The following POLR3G variants were observed in gnomAD, a reference collection of about 807,000 sequenced individuals.
POLR3G encodes the protein RNA polymerase III subunit G.
POLR3G carries 28 observed loss-of-function variants against 30.1 expected under a neutral mutation model. That is an observed-to-expected ratio of 0.93 (90% CI 0.69 to 1.27). The LOEUF is 1.27. Ranked by LOEUF, POLR3G falls within the 50% of genes most tolerant of loss-of-function variation. The probability of loss-of-function intolerance (pLI) is 0.00; values close to 1 mark genes in which losing one functional copy is unlikely to be tolerated. For missense variants in POLR3G, 254 were observed against 264.6 expected (o/e 0.96, Z 0.28); for synonymous variants, 79 against 82.5 (o/e 0.96, Z 0.23).
chr5:90,476,504 T>A (rs1750827012), intron 1 of POLR3G, among the ~76,000 whole-genome samples: 1 of 152,216 alleles, frequency 6.6e-6, no homozygotes, highest in African/African-American at 2.4e-5. Context: ...AAAGACTACT[T>A]TTAGGGCATT....
At chr5:90,488,512 C>T (rs1381915060) in intron 3 of POLR3G, among the ~76,000 whole-genome samples, 1 of 151,864 alleles carries the variant, frequency 6.6e-6, no homozygotes, top group Non-Finnish European at 1.5e-5. Context: ...TTCCTTTTTT[C>T]ACTCAGTAGC....
rs1252192949 is a variant in POLR3G, at chr5:90,481,118, T to C, written c.-43-4407T>C. ...GAAAGATAAAATTTGTATACCACCATTTTGCAATTCATAATGGAAAAATTG... is the reference window on the plus strand; with the variant it reads ...GAAAGATAAAATTTGTATACCACCACTTTGCAATTCATAATGGAAAAATTG... On this transcript the variant is annotated intron_variant, in intron 1 of 7. Coordinates refer to ENST00000651687, the MANE Select transcript of POLR3G (RefSeq NM_006467.3). Among the ~76,000 whole-genome samples the C allele has an allele frequency of 2.0e-5, 3 of 152,140 alleles. No individual in the cohort carries two copies. In the East Asian group the frequency reaches 5.8e-4, roughly 29 times the overall value.
intron 1 of POLR3G, among the ~76,000 whole-genome samples, chr5:90,481,156 A>G (rs1751104711): frequency 6.6e-6 from 1 of 151,998 alleles, no homozygotes; most frequent in Middle Eastern, 3.2e-3. Flanking sequence ...CTAGATTGTG[A>G]TCATCAGTGA....
At chr5:90,506,723 TAAGG>T in intron 7 of POLR3G, 49 bp downstream of exon 7, 1 of 1,550,644 alleles carries the variant, frequency 6.4e-7, no homozygotes, top group Admixed American at 2.0e-5. Flanking sequence ...GTTTATCTAA[TAAGG>T]AATCAGATAT....
intron 1 of POLR3G, among the ~76,000 whole-genome samples, chr5:90,478,586 T>TTTTTTTTTTTTTTTTTGGGG (rs70999487): frequency 6.8e-6 from 1 of 146,924 alleles, no homozygotes; most frequent in African/African-American, 2.5e-5. Flanking sequence ...TTTTTTTTTT[T>TTTTTTTTTTTTTTTTTGGGG]GAGAGGGAGC....
intron 2 of POLR3G, among the ~76,000 whole-genome samples, chr5:90,486,153 T>C (rs909168926): frequency 6.6e-6 from 1 of 152,216 alleles, no homozygotes; most frequent in Non-Finnish European, 1.5e-5. Context: ...TTTTAAAATT[T>C]AGTGAGTATG....
At chr5:90,474,423 G>A (rs577411910), upstream of POLR3G, 5 of 818,478 alleles carry the variant, frequency 6.1e-6, no homozygotes, top group East Asian at 2.7e-5. Flanking sequence ...GAGCGAGGCG[G>A]GGGCGTGGGA....
At chr5:90,483,143 CAAAAAAAAA>C (rs35917267) in intron 1 of POLR3G, among the ~76,000 whole-genome samples, 1 of 101,638 alleles carries the variant, frequency 9.8e-6, no homozygotes, top group Non-Finnish European at 1.9e-5. Context: ...TCCTCCGTCT[CAAAAAAAAA>C]AAAAAAAAAA....
rs1301461953 is a variant in POLR3G at position 90,506,406 on chromosome 5, C to A, written c.439-122C>A. 10 of 1,341,670 alleles carry A rather than the reference C, an allele frequency of 7.5e-6. No homozygotes were observed. The Admixed American group carries it at 2.3e-4, about 30-fold the overall frequency. 83.1% of individuals were successfully genotyped at this position (1,341,670 alleles called of 1,614,324 possible). A position where few individuals can be genotyped will look rare whatever the true frequency, so the allele number is the denominator to read the frequency against. On this transcript the variant is annotated intron_variant, in intron 6 of 7. Coordinates refer to ENST00000651687, the MANE Select transcript of POLR3G (RefSeq NM_006467.3). The stretch of plus-strand genomic sequence containing the variant: ...TGACTCATAGTTTCCTAGGTGGTAG[C>A]CAGGAGGTGGTGGTAAGATGGGAGT...
intron 6 of POLR3G, 51 bp from the exon 7 acceptor site, chr5:90,506,477 G>T (rs1452678480): frequency 6.4e-7 from 1 of 1,573,824 alleles, no homozygotes; most frequent in Non-Finnish European, 8.6e-7. Context: ...AAGCAGGGAA[G>T]TCAGCAGTCT....
chr5:90,485,477 G>A, intron 1 of POLR3G, 48 bp from the exon 2 acceptor site: 1 of 940,500 alleles, frequency 1.1e-6, no homozygotes, highest in South Asian at 1.6e-5. Context: ...GCTTTAAAGT[G>A]TTGATTTCTT....
At chr5:90,486,624 C>T (rs1751452954) in intron 2 of POLR3G, among the ~76,000 whole-genome samples, 1 of 152,142 alleles carries the variant, frequency 6.6e-6, no homozygotes, top group South Asian at 2.1e-4. Flanking sequence ...ATGGATGGCT[C>T]CCTGATTTTA....
intron 1 of POLR3G, among the ~76,000 whole-genome samples, chr5:90,481,088 A>G (rs186358667): frequency 6.6e-6 from 1 of 152,216 alleles, no homozygotes; most frequent in Non-Finnish European, 1.5e-5. Flanking sequence ...TTAATAAAAC[A>G]GAAAGAAAGA....
chr5:90,475,707 G>T (rs1750772370), intron 1 of POLR3G, among the ~76,000 whole-genome samples: 1 of 151,904 alleles, frequency 6.6e-6, no homozygotes, highest in African/African-American at 2.4e-5. Context: ...TATCTATTTA[G>T]GGTTTTTGTT....
At chr5:90,502,034 A>G (rs1280719798) in intron 6 of POLR3G, 46 bp downstream of exon 6, 1 of 1,589,024 alleles carries the variant, frequency 6.3e-7, no homozygotes, top group South Asian at 1.1e-5. Flanking sequence ...AAAATGTAAA[A>G]GATCCTACCT....
intron 5 of POLR3G, among the ~76,000 whole-genome samples, chr5:90,499,940 A>T (rs929756496): frequency 6.6e-6 from 1 of 152,204 alleles, no homozygotes; most frequent in African/African-American, 2.4e-5. Context: ...ATACATGTGC[A>T]TGAATGATAC....
chr5:90,507,183 T>TAC (rs780741538), intron 7 of POLR3G, among the ~76,000 whole-genome samples: 2 of 152,330 alleles, frequency 1.3e-5, no homozygotes, highest in East Asian at 3.9e-4. Context: ...ATGCACATAG[T>TAC]ACATTTCAGA....
chr5:90,485,571 G>C lies in POLR3G; in HGVS notation c.4G>C (p.Ala2Pro), dbSNP rs181749699. Reference protein sequence around the residue: MAGNKGRGRAAY... With the variant: MPGNKGRGRAAY... ...TCATCTGGTATAACTGGTTCTGATG[G>C]CTGGGAATAAAGGAAGAGGACGTGC... The change falls in exon 2 of 8, where the codon GCT becomes CCT. Residue 2 changes from alanine (A) to proline (P), a missense_variant. Ala to Pro is a conservative substitution (Grantham distance 27). Coordinates refer to ENST00000651687, the MANE Select transcript of POLR3G (RefSeq NM_006467.3). 1 of 1,611,020 alleles carries C rather than the reference G, an allele frequency of 6.2e-7. No individual in the cohort carries two copies. Among genetic ancestry groups the C allele is most frequent in the African/African-American group, 1.3e-5 (1 of 74,950 alleles).
At chr5:90,508,383 G>A (rs1173179931) in intron 7 of POLR3G, among the ~76,000 whole-genome samples, 1 of 150,854 alleles carries the variant, frequency 6.6e-6, no homozygotes, top group Non-Finnish European at 1.5e-5. Flanking sequence ...GGGGCTAACG[G>A]CCCTATCCTT....
Sources: gnomAD v4.1 joint callset for allele counts (sites outside exome capture counted in the v4.1 genomes callset) on GRCh38, gnomAD v4.1.1 for gene constraint, MANE v1.5 for transcripts, NCBI Gene and HGNC (gene_info 2026-07-23, HGNC 2026-07-21) for gene names.